Variants in TAB3 observed in about 807,000 individuals in gnomAD.
TAB3 encodes TGF-beta-activated kinase 1 and MAP3K7-binding protein 3.
TAB3 carries 18 observed loss-of-function variants against 48.1 expected under a neutral mutation model. That is an observed-to-expected ratio of 0.37 (90% CI 0.26 to 0.55). The LOEUF is 0.55. TAB3 is among the 20% of genes least tolerant of loss of function. The pLI is 0.78. For synonymous variants in TAB3, 185 were observed against 190.2 expected, an observed-to-expected ratio of 0.97 and a Z score of 0.22; for missense variants, 414 against 549.8, an observed-to-expected ratio of 0.75 and a Z score of 2.47.
Position 30,854,758 on chromosome X carries a change from G to A in TAB3, c.907C>T (p.Pro303Ser), listed in dbSNP as rs1939001939. Reference protein sequence around the residue: ...HSPPPSQCPSPFSSPQHQVQP... With the variant: ...HSPPPSQCPSSFSSPQHQVQP... Reference sequence around the variant, plus strand: ...ACTTGATGCTGTGGAGAGCTGAAGGGTGAAGGACATTGAGAAGGAGGTGGT... The same window carrying A: ...ACTTGATGCTGTGGAGAGCTGAAGGATGAAGGACATTGAGAAGGAGGTGGT... Residue 303 changes from proline (P) to serine (S), a missense_variant, in exon 6 of 11, where the codon CCC becomes TCC. Pro to Ser is a moderately conservative substitution (Grantham distance 74). Transcript: ENST00000288422. 8.3e-7 allele frequency: 1 copy of A among 1,211,550 alleles called. No individual in the cohort carries two copies. Among genetic ancestry groups the A allele is most frequent in the Non-Finnish European group, 1.1e-6 (1 of 895,387 alleles).
In TAB3 at chrX:30,864,135, A is replaced by G. The variant is rs778941589; in HGVS notation, c.-91+2980T>C. Among the ~76,000 whole-genome samples, 369 of 111,666 alleles carry G rather than the reference A, an allele frequency of 3.3e-3. 3 individuals carry two copies. Among genetic ancestry groups the G allele is most frequent in the Non-Finnish European group, 4.7e-3 (252 of 53,139 alleles). ...GTACAGGCTAGGCTCAGGCATGACC[A>G]AACTCCTGGGACACCCTTGAAACAC... On this transcript the variant is annotated intron_variant, in intron 4 of 10. Coordinates refer to ENST00000288422, the MANE Select transcript of TAB3 (RefSeq NM_152787.5).
At chrX:30,873,319 C>T (rs1285101372) in intron 1 of TAB3, among the ~76,000 whole-genome samples, 1 of 109,138 alleles carries the variant, frequency 9.2e-6, no homozygotes, top group African/African-American at 3.3e-5. Context: ...GGGCGGATCA[C>T]GAGGTCAGGA....
chrX:30,863,849 T>C (rs913389856), intron 4 of TAB3, among the ~76,000 whole-genome samples: 2 of 112,446 alleles, frequency 1.8e-5, no homozygotes, highest in Admixed American at 9.4e-5. Context: ...TAAAGTATTA[T>C]GCTGTACTTT....
At chrX:30,874,530 G>A (rs1939767012) in intron 1 of TAB3, among the ~76,000 whole-genome samples, 1 of 112,107 alleles carries the variant, frequency 8.9e-6, no homozygotes, top group African/African-American at 3.2e-5. Flanking sequence ...ACGTTCAAAT[G>A]TCAAGTACCT....
chrX:30,837,164 G>A (rs966792627), intron 9 of TAB3, among the ~76,000 whole-genome samples: 23 of 102,635 alleles, frequency 2.2e-4, no homozygotes, highest in African/African-American at 7.2e-4. Context: ...TTCTTCTGCC[G>A]CAGCCTCCCA....
chrX:30,840,127 T>TTTGA (rs1175067395), intron 9 of TAB3, among the ~76,000 whole-genome samples: 2 of 109,103 alleles, frequency 1.8e-5, no homozygotes, highest in Admixed American at 2.0e-4. Flanking sequence ...ATCTTTCACT[T>TTTGA]TTGATTGTGG....
At chrX:30,876,512 T>C (rs959392072) in intron 1 of TAB3, among the ~76,000 whole-genome samples, 3 of 111,555 alleles carry the variant, frequency 2.7e-5, no homozygotes, top group African/African-American at 6.5e-5. Context: ...ACAGCAGAAT[T>C]TGGGTGTTTT....
At chrX:30,874,999 C>T (rs957497949) in intron 1 of TAB3, among the ~76,000 whole-genome samples, 7 of 111,857 alleles carry the variant, frequency 6.3e-5, no homozygotes, top group Non-Finnish European at 1.1e-4. Context: ...GAGAGGTTGG[C>T]AAATTCCAGA....
At chrX:30,879,585 A>G (rs1337366418) in intron 1 of TAB3, among the ~76,000 whole-genome samples, 1 of 112,044 alleles carries the variant, frequency 8.9e-6, no homozygotes, top group Non-Finnish European at 1.9e-5. Context: ...AACTAAGGAC[A>G]GAATGAAACT....
intron 8 of TAB3, chrX:30,845,127 CTGTT>C (rs1363672450): frequency 8.9e-6 from 1 of 112,637 alleles, no homozygotes; most frequent in Non-Finnish European, 1.9e-5. Context: ...GCCCAGCCTA[CTGTT>C]TGTTTAATCT....
intron 8 of TAB3, chrX:30,845,524 G>A (rs2867974): frequency 0.49 from 54,733 of 110,965 alleles, 10,511 homozygotes; most frequent in Non-Finnish European, 0.61. Flanking sequence ...TGCTGTTGAA[G>A]CACAAAGGCA....
At position 30,869,975 on chromosome X, in the gene TAB3, C is replaced by T. The variant is rs193020254; in HGVS notation, c.-280+1724G>A. 3.8e-4 allele frequency among the ~76,000 whole-genome samples: 43 copies of T among 112,442 alleles called. No homozygotes were observed. In the East Asian group the frequency reaches 0.011, roughly 30 times the overall value. On this transcript the variant is annotated intron_variant, in intron 2 of 10. Coordinates refer to ENST00000288422, the MANE Select transcript of TAB3 (RefSeq NM_152787.5). The stretch of plus-strand genomic sequence containing the variant: ...ACTAGATCACGATTAAAATGTATTT[C>T]TTACTGTGGGTTTGAGAAATAGTGA...
chrX:30,854,013 T>C, intron 6 of TAB3, 103 bp downstream of exon 6: 1 of 962,532 alleles, frequency 1.0e-6, no homozygotes, highest in Admixed American at 3.8e-5. Context: ...CTGCCCAACA[T>C]TTAATACTAA....
rs776941044 is a variant in TAB3, at chrX:30,854,397, C to T, written c.1268G>A (p.Ser423Asn). 2 of 1,209,851 alleles carry T rather than the reference C, an allele frequency of 1.7e-6. No homozygotes were observed. Among genetic ancestry groups the T allele is most frequent in the East Asian group, 5.9e-5 (2 of 33,766 alleles). ...ATATGTAATATACACAGGATTAACA[C>T]TAAATGGAGGTTTTGGTTGACTAGA... ...GISSQPKPPF[S>N]VNPVYITYTQ... is the part of the protein sequence containing the mutation. Residue 423 changes from serine (S) to asparagine (N), a missense_variant, in exon 6 of 11, where the codon AGT becomes AAT. By Grantham distance (46) the Ser-to-Asn change is conservative. Transcript: ENST00000288422.
chrX:30,885,193 C>A (rs890970367), intron 1 of TAB3, among the ~76,000 whole-genome samples: 14 of 112,022 alleles, frequency 1.2e-4, no homozygotes, highest in Non-Finnish European at 2.6e-4. Flanking sequence ...AAGCAGGCAA[C>A]CCTCAACAAT....
rs1939038867 is a variant in TAB3 at position 30,855,620 on chromosome X, A to C, written c.103-58T>G. On this transcript the variant is annotated intron_variant, in intron 5 of 10. Coordinates refer to ENST00000288422, the MANE Select transcript of TAB3 (RefSeq NM_152787.5). Reference sequence around the variant, plus strand: ...CAACATTAACAAATTCTAATAGTGGAAGTCAGGCTTTGCCAGAGAGTTATG... The same window carrying C: ...CAACATTAACAAATTCTAATAGTGGCAGTCAGGCTTTGCCAGAGAGTTATG... 8 of 1,068,576 alleles carry C rather than the reference A, an allele frequency of 7.5e-6. No homozygotes were observed. The Middle Eastern group carries it at 8.7e-4, about 116-fold the overall frequency. 88.1% of individuals were successfully genotyped at this position (1,068,576 alleles called of 1,213,427 possible).
At chrX:30,857,435 T>C (rs932654265) in intron 5 of TAB3, among the ~76,000 whole-genome samples, 3 of 111,074 alleles carry the variant, frequency 2.7e-5, no homozygotes, top group African/African-American at 9.8e-5. Context: ...AAATAAAGTA[T>C]TCTTTTTTTT....
Position 30,881,358 on chromosome X carries a change from GT to G in TAB3, c.-383+7755del, listed in dbSNP as rs1185315700. ...ATTAAACTTCAGTAAGAGGTTTTTT[GT>G]TTTTTTTTTAAGTGTAAAGGAGTAC... On this transcript the variant is annotated intron_variant, in intron 1 of 10. Coordinates refer to ENST00000288422, the MANE Select transcript of TAB3 (RefSeq NM_152787.5). Among the ~76,000 whole-genome samples the G allele has an allele frequency of 1.7e-4, 18 of 104,044 alleles. No individual in the cohort carries two copies. The South Asian group carries it at 2.9e-3, about 17-fold the overall frequency. 90.3% of individuals were successfully genotyped at this position (104,044 alleles called of 115,157 possible).
At chrX:30,852,987 G>A (rs763610847) in intron 6 of TAB3, 49 bp from the exon 7 acceptor site, 14 of 1,167,578 alleles carry the variant, frequency 1.2e-5, no homozygotes, top group Non-Finnish European at 1.4e-5. Flanking sequence ...TTGAACAAGC[G>A]ACTGGAAAAT....
Sources: allele counts gnomAD v4.1 joint callset (sites outside exome capture counted in the v4.1 genomes callset), GRCh38; gene constraint gnomAD v4.1.1; transcripts MANE v1.5; gene names NCBI Gene and HGNC (gene_info 2026-07-23, HGNC 2026-07-21).